KCNH1: variants seen among roughly 807,000 people sequenced by gnomAD.
KCNH1 encodes the protein potassium voltage-gated channel subfamily H member 1, also known as voltage-gated delayed rectifier potassium channel KCNH1.
In KCNH1, 27 loss-of-function variants were observed where a neutral mutation model predicts 69.2. The observed-to-expected ratio is 0.39, with a 90% confidence interval of 0.29 to 0.54. The LOEUF (loss-of-function observed/expected upper bound fraction) is 0.54. Among genes scored for constraint, KCNH1 ranks in the 20% least tolerant of loss-of-function variants. The pLI, the probability that KCNH1 is intolerant of heterozygous loss-of-function variation, is 0.68. For missense variants in KCNH1, 798 were observed against 1,261.6 expected, an observed-to-expected ratio of 0.63 and a Z score of 5.57; for synonymous variants, 456 against 487.7, an observed-to-expected ratio of 0.93 and a Z score of 0.86.
At chr1:210,998,748 C>T (rs1324722822) in intron 6 of KCNH1, among the ~76,000 whole-genome samples, 2 of 152,194 alleles carry the variant, frequency 1.3e-5, no homozygotes, top group African/African-American at 4.8e-5. Flanking sequence ...CCAAAATTGA[C>T]CACATAGTGG....
rs566049379 is a variant in KCNH1 at position 210,850,473 on chromosome 1, C to T, written c.1463-46307G>A. ...TTGCAGTGAGTCGAGATCCTGTCAC[C>T]GCACTCCAGCCTGGATGACAGAGTG... On this transcript the variant is annotated intron_variant, in intron 7 of 10. Transcript: ENST00000271751. Among the ~76,000 whole-genome samples, 10 of 152,180 alleles carry T rather than the reference C, an allele frequency of 6.6e-5. No individual in the cohort carries two copies. In the East Asian group the frequency reaches 7.7e-4, roughly 12 times the overall value.
intron 10 of KCNH1, among the ~76,000 whole-genome samples, chr1:210,715,518 A>AAC (rs61196588): frequency 0.022 from 1,562 of 70,940 alleles, 23 homozygotes; most frequent in African/African-American, 0.059. Context: ...AAAATTAAAC[A>AAC]AAAAAAAAAA....
intron 7 of KCNH1, among the ~76,000 whole-genome samples, chr1:210,853,082 TCC>T (rs1044936739): frequency 7.9e-5 from 12 of 152,300 alleles, no homozygotes; most frequent in African/African-American, 2.9e-4. Context: ...TGTTCATTTT[TCC>T]AAGATAATGT....
chr1:210,819,103 C>T (rs1684875527), intron 7 of KCNH1, among the ~76,000 whole-genome samples: 1 of 151,846 alleles, frequency 6.6e-6, no homozygotes, highest in Admixed American at 6.6e-5. Flanking sequence ...AAACAATAGG[C>T]TTAGCCAAAG....
At chr1:211,043,150 T>C (rs554510095) in intron 5 of KCNH1, among the ~76,000 whole-genome samples, 3 of 152,118 alleles carry the variant, frequency 2.0e-5, no homozygotes, top group Admixed American at 2.0e-4. Flanking sequence ...AACAAAAAGA[T>C]AAATGAAACA....
chr1:210,871,811 C>A (rs1373514126), intron 7 of KCNH1, among the ~76,000 whole-genome samples: 1 of 145,538 alleles, frequency 6.9e-6, no homozygotes, highest in African/African-American at 2.6e-5. Context: ...AACAAAAAAC[C>A]AAACACCGCA....
chr1:211,095,122 T>C (rs529669208), intron 3 of KCNH1, among the ~76,000 whole-genome samples: 2 of 152,216 alleles, frequency 1.3e-5, no homozygotes, highest in South Asian at 4.2e-4. Flanking sequence ...ATCCATTCCA[T>C]CAAGATGCTA....
Position 210,775,321 on chromosome 1 carries a change from G to A in KCNH1, c.2112+27C>T, listed in dbSNP as rs112668425. 8,229 of 1,601,546 alleles carry A rather than the reference G, an allele frequency of 5.1e-3. 368 individuals carry two copies. In the African/African-American group the frequency reaches 0.093, roughly 18 times the overall value. On this transcript the variant is annotated intron_variant, in intron 10 of 10. Coordinates refer to ENST00000271751, the MANE Select transcript of KCNH1 (RefSeq NM_172362.3). ...AAAGTGTACAGAGACTGTTCTTTGT[G>A]GAAAATAACTGAAACTTTTAGCTCA...
At chr1:210,988,749 A>G (rs1305001492) in intron 6 of KCNH1, among the ~76,000 whole-genome samples, 1 of 152,234 alleles carries the variant, frequency 6.6e-6, no homozygotes. Context: ...CCAGCAGTGA[A>G]GCAGTGTTCA....
At chr1:210,938,451 TAAATA>T (rs1373859358) in intron 6 of KCNH1, among the ~76,000 whole-genome samples, 3 of 152,200 alleles carry the variant, frequency 2.0e-5, no homozygotes, top group Non-Finnish European at 2.9e-5. Context: ...TAAAAATAAT[TAAATA>T]AAAGTTTAGA....
chr1:210,965,593 A>ATT (rs1326862375), intron 6 of KCNH1, among the ~76,000 whole-genome samples: 1 of 151,040 alleles, frequency 6.6e-6, no homozygotes, highest in Non-Finnish European at 1.5e-5. Flanking sequence ...TACACCAATA[A>ATT]TTACACAGAG....
chr1:210,863,899 G>C (rs181572724), intron 7 of KCNH1, among the ~76,000 whole-genome samples: 25 of 152,172 alleles, frequency 1.6e-4, no homozygotes, highest in Admixed American at 4.6e-4. Context: ...ATGTAGAAAG[G>C]CCTCAAGTGG....
intron 7 of KCNH1, among the ~76,000 whole-genome samples, chr1:210,902,031 T>A (rs1687006752): frequency 6.6e-6 from 1 of 152,144 alleles, no homozygotes; most frequent in South Asian, 2.1e-4. Context: ...CTGGGCTACA[T>A]GTGGGCAGCT....
At chr1:210,718,448 A>ACAT in intron 10 of KCNH1, among the ~76,000 whole-genome samples, 1 of 5,536 alleles carries the variant, frequency 1.8e-4, no homozygotes. Flanking sequence ...GTATATATAT[A>ACAT]AAATATATAC....
chr1:211,074,213 C>T (rs1690694899), intron 5 of KCNH1, among the ~76,000 whole-genome samples: 1 of 150,164 alleles, frequency 6.7e-6, no homozygotes, highest in Non-Finnish European at 1.5e-5. Flanking sequence ...CTGTATGTTA[C>T]ATTAGAAGGT....
chr1:210,768,557 A>T (rs1683686755), intron 10 of KCNH1, among the ~76,000 whole-genome samples: 1 of 152,126 alleles, frequency 6.6e-6, no homozygotes, highest in African/African-American at 2.4e-5. Flanking sequence ...GCACTTTCTC[A>T]CTCTTTCCCA....
chr1:210,718,282 AAAT>A (rs201326590), intron 10 of KCNH1, among the ~76,000 whole-genome samples: 20,637 of 121,164 alleles, frequency 0.17, 3,142 homozygotes, highest in Non-Finnish European at 0.26. Flanking sequence ...GTGCATATAA[AAAT>A]ATGTGTATAT....
intron 10 of KCNH1, among the ~76,000 whole-genome samples, chr1:210,740,031 G>A (rs536668942): frequency 6.6e-6 from 1 of 152,306 alleles, no homozygotes; most frequent in African/African-American, 2.4e-5. Flanking sequence ...ACTCTATAGA[G>A]TTAAATGTAG....
intron 10 of KCNH1, among the ~76,000 whole-genome samples, chr1:210,730,553 G>A (rs1682721614): frequency 6.7e-6 from 1 of 148,178 alleles, no homozygotes; most frequent in Admixed American, 6.8e-5. Flanking sequence ...AGTAATTACT[G>A]ATGAAACGTG....
Sources: gnomAD v4.1 joint callset for allele counts (sites outside exome capture counted in the v4.1 genomes callset) on GRCh38, gnomAD v4.1.1 for gene constraint, MANE v1.5 for transcripts, NCBI Gene and HGNC (gene_info 2026-07-23, HGNC 2026-07-21) for gene names.